The following RCSD1 variants were observed in gnomAD, a reference collection of about 807,000 sequenced individuals.
RCSD1 encodes the protein RCSD domain containing 1, also known as capZ-interacting protein.
RCSD1 carries 26 observed loss-of-function variants against 42.5 expected under a neutral mutation model. The ratio of observed to expected loss-of-function variants is 0.61; its 90% CI spans 0.45 to 0.85. The LOEUF is 0.85. Among genes scored for constraint, RCSD1 ranks in the 40% least tolerant of loss-of-function variants. RCSD1 has a pLI of 0.00. For missense variants in RCSD1, 571 were observed against 528.3 expected, an observed-to-expected ratio of 1.08 and a Z score of -0.79; for synonymous variants, 220 against 212.2, an observed-to-expected ratio of 1.04 and a Z score of -0.32.
intron 1 of RCSD1, among the ~76,000 whole-genome samples, chr1:167,673,197 G>T (rs1658854576): frequency 6.6e-6 from 1 of 152,218 alleles, no homozygotes. Flanking sequence ...GAAGAACAAA[G>T]AAGAGAGGAG....
intron 1 of RCSD1, among the ~76,000 whole-genome samples, chr1:167,672,752 AG>A (rs1320364684): frequency 1.3e-5 from 2 of 152,226 alleles, no homozygotes; most frequent in Non-Finnish European, 2.9e-5. Flanking sequence ...CACAGGTTCC[AG>A]GGACTAGGAT....
chr1:167,651,451 C>T (rs999336447), intron 1 of RCSD1, among the ~76,000 whole-genome samples: 4 of 152,210 alleles, frequency 2.6e-5, no homozygotes, highest in African/African-American at 9.7e-5. Context: ...GGGCACACTG[C>T]ATTCTGCGCT....
rs187844586 is a variant in RCSD1 at position 167,697,142 on chromosome 1, G to A, written c.518G>A (p.Arg173Gln). The A allele has an allele frequency of 8.4e-5, 136 of 1,614,126 alleles. 1 individual carries two copies. Among genetic ancestry groups the A allele is most frequent in the South Asian group, 4.6e-4 (42 of 91,074 alleles). Residue 173 changes from arginine (R) to glutamine (Q), a missense_variant, in exon 6 of 7, where the codon CGA becomes CAA. Physicochemically the swap from Arg to Gln is conservative, Grantham distance 43. Transcript: ENST00000367854. ...ATAAAAAGGCGCCCTCCCTCCAGGC[G>A]ATTCCGAAGGTCACAGTCAGACTGT... ...GSIKRRPPSR[R>Q]FRRSQSDCGE... is the part of the protein sequence containing the mutation.
chr1:167,655,074 C>A (rs1370800915), intron 1 of RCSD1, among the ~76,000 whole-genome samples: 4 of 152,102 alleles, frequency 2.6e-5, no homozygotes, highest in African/African-American at 9.7e-5. Context: ...AGTACAAGGG[C>A]CTCTTGTTTC....
At chr1:167,668,178 G>A (rs187007230) in intron 1 of RCSD1, among the ~76,000 whole-genome samples, 7 of 152,028 alleles carry the variant, frequency 4.6e-5, no homozygotes, top group East Asian at 1.9e-4. Context: ...CCAGCTACTC[G>A]GGAGGCTGCG....
At chr1:167,671,184 A>G (rs995629596) in intron 1 of RCSD1, among the ~76,000 whole-genome samples, 1 of 152,184 alleles carries the variant, frequency 6.6e-6, no homozygotes, top group African/African-American at 2.4e-5. Flanking sequence ...TGAGTAGTTC[A>G]TTCAATAAAC....
intron 1 of RCSD1, among the ~76,000 whole-genome samples, chr1:167,679,691 A>G (rs1038750767): frequency 6.6e-6 from 1 of 152,174 alleles, no homozygotes; most frequent in Non-Finnish European, 1.5e-5. Context: ...GGGCTCTCTC[A>G]CTGCATCTTC....
chr1:167,697,447 C>T lies in RCSD1; in HGVS notation c.823C>T (p.His275Tyr). 6.2e-7 allele frequency: 1 copy of T among 1,611,664 alleles called. No individual in the cohort carries two copies. The highest frequency in any genetic ancestry group is 8.5e-7 in the Non-Finnish European group (1 of 1,178,956). ...RRSSEEVDGQ[H>Y]PAQEEVPESP... ...GAGTTCAGAGGAGGTGGACGGCCAGCACCCGGCCCAAGAGGAGGTCCCGGA... is the reference window on the plus strand; with the variant it reads ...GAGTTCAGAGGAGGTGGACGGCCAGTACCCGGCCCAAGAGGAGGTCCCGGA... Residue 275 changes from histidine (H) to tyrosine (Y), a missense_variant, in exon 6 of 7, where the codon CAC (histidine) becomes TAC (tyrosine). By Grantham distance (83) the His-to-Tyr change is moderately conservative. Transcript: ENST00000367854.
chr1:167,631,206 G>T (rs372822513), intron 1 of RCSD1, among the ~76,000 whole-genome samples: 31 of 152,358 alleles, frequency 2.0e-4, no homozygotes, highest in African/African-American at 7.2e-4. Context: ...CAGAGGAGTG[G>T]TTGGGTGTAT....
At chr1:167,634,691 A>C (rs1657791051) in intron 1 of RCSD1, among the ~76,000 whole-genome samples, 1 of 152,218 alleles carries the variant, frequency 6.6e-6, no homozygotes, top group African/African-American at 2.4e-5. Flanking sequence ...TGTTTGTTCA[A>C]CTAAATTGTA....
At chr1:167,654,362 C>T (rs531641974) in intron 1 of RCSD1, among the ~76,000 whole-genome samples, 4 of 152,206 alleles carry the variant, frequency 2.6e-5, no homozygotes, top group African/African-American at 9.6e-5. Flanking sequence ...AAAGGGTACA[C>T]GTGCTTCAGA....
At chr1:167,669,605 T>C (rs1442594659) in intron 1 of RCSD1, among the ~76,000 whole-genome samples, 1 of 152,254 alleles carries the variant, frequency 6.6e-6, no homozygotes, top group Non-Finnish European at 1.5e-5. Context: ...ACCAAGACTG[T>C]GCATGCAAAT....
intron 1 of RCSD1, among the ~76,000 whole-genome samples, chr1:167,649,534 G>A (rs1035224095): frequency 5.9e-5 from 9 of 152,188 alleles, no homozygotes; most frequent in Admixed American, 5.2e-4. Context: ...CAGAGTGATG[G>A]GGGGGCAGAA....
rs373616907 is a variant in RCSD1 at position 167,671,960 on chromosome 1, T to A, written c.7-11940T>A. Among the ~76,000 whole-genome samples the A allele has an allele frequency of 1.8e-4, 27 of 152,320 alleles. No homozygotes were observed. In the East Asian group the frequency reaches 3.9e-3, roughly 22 times the overall value. ...GCTTACCCTTCAGGCTTGGCCAGTT[T>A]GTTACTTCCTCCTGGAAGTCTTCCC... On this transcript the variant is annotated intron_variant, in intron 1 of 6. Transcript: ENST00000367854.
chr1:167,681,783 C>G (rs1424925026), intron 1 of RCSD1, among the ~76,000 whole-genome samples: 1 of 152,196 alleles, frequency 6.6e-6, no homozygotes, highest in African/African-American at 2.4e-5. Flanking sequence ...AACCAATCAG[C>G]CAGCATCTTT....
chr1:167,689,948 C>G, intron 3 of RCSD1, 101 bp from the exon 4 acceptor site: 2 of 1,149,802 alleles, frequency 1.7e-6, no homozygotes, highest in Non-Finnish European at 2.6e-6. Flanking sequence ...AGTGGCAACA[C>G]CAACTTCTCT....
intron 3 of RCSD1, among the ~76,000 whole-genome samples, chr1:167,688,338 CT>C (rs1203979236): frequency 6.6e-6 from 1 of 152,144 alleles, no homozygotes; most frequent in Non-Finnish European, 1.5e-5. Flanking sequence ...GCTGCAGTTT[CT>C]AAAAGTTTCT....
intron 1 of RCSD1, among the ~76,000 whole-genome samples, chr1:167,645,611 T>A (rs563405743): frequency 9.9e-5 from 15 of 152,254 alleles, no homozygotes; most frequent in Non-Finnish European, 2.1e-4. Flanking sequence ...GAATTTTTTT[T>A]AAACAGATGG....
In RCSD1 at chr1:167,683,908, G is replaced by T; in HGVS notation, c.15G>T (p.Pro5=). The T allele has an allele frequency of 1.2e-6, 2 of 1,614,086 alleles. No homozygotes were observed. Among genetic ancestry groups the T allele is most frequent in the Non-Finnish European group, 1.7e-6 (2 of 1,179,986 alleles). The change falls in exon 2 of 7, where the codon CCG becomes CCT. Residue 5 remains proline (P), a synonymous_variant. Coordinates refer to ENST00000367854, the MANE Select transcript of RCSD1 (RefSeq NM_052862.4). The part of the protein sequence containing the change: MEER[P]AETNANVDNS... ...TCTTCTCCATTTGCCAGGAAAGACC[G>T]GCAGAGACCAATGCCAATGTGGACA...
Sources: gnomAD v4.1 joint callset for allele counts (sites outside exome capture counted in the v4.1 genomes callset) on GRCh38, gnomAD v4.1.1 for gene constraint, MANE v1.5 for transcripts, NCBI Gene and HGNC (gene_info 2026-07-23, HGNC 2026-07-21) for gene names.